Variants in FEZ2 observed in about 807,000 individuals in gnomAD.
FEZ2 encodes the protein fasciculation and elongation protein zeta 2.
FEZ2 carries 51 observed loss-of-function variants against 40.4 expected under a neutral mutation model. The ratio of observed to expected loss-of-function variants is 1.26; its 90% confidence interval spans 1.01 to 1.59. The LOEUF (loss-of-function observed/expected upper bound fraction) is 1.59, where lower values mean the gene tolerates loss of function less well. Ranked by LOEUF, FEZ2 falls within the 40% of genes most tolerant of loss-of-function variation. The pLI, the probability that FEZ2 is intolerant of heterozygous loss-of-function variation, is 0.00. For missense variants in FEZ2, 640 were observed against 438.3 expected (o/e 1.46, Z -4.11); for synonymous variants, 242 against 172.0 (o/e 1.41, Z -3.18).
chr2:36,575,714 A>AT (rs905202906), intron 5 of FEZ2, among the ~76,000 whole-genome samples: 36 of 149,942 alleles, frequency 2.4e-4, no homozygotes, highest in African/African-American at 5.6e-4. Flanking sequence ...TATGCCCTCT[A>AT]TTTTTTTTTT....
At chr2:36,597,691 G>C (rs1026255818) in intron 1 of FEZ2, among the ~76,000 whole-genome samples, 186 bp downstream of exon 1, 1 of 152,176 alleles carries the variant, frequency 6.6e-6, no homozygotes, top group African/African-American at 2.4e-5. Flanking sequence ...TCGTGGCGGC[G>C]GGGGGCAGGG....
chr2:36,577,783 T>C (rs987058588), intron 5 of FEZ2, among the ~76,000 whole-genome samples: 5 of 152,220 alleles, frequency 3.3e-5, no homozygotes, highest in African/African-American at 4.8e-5. Flanking sequence ...TCAGACTTTA[T>C]CAAAAACAGA....
chr2:36,564,630 G>A (rs958634000), intron 5 of FEZ2, among the ~76,000 whole-genome samples: 4 of 152,076 alleles, frequency 2.6e-5, no homozygotes, highest in African/African-American at 7.2e-5. Context: ...CTACTCGGAC[G>A]CCAGAGAAAA....
chr2:36,577,072 T>C (rs1222115758), intron 5 of FEZ2, among the ~76,000 whole-genome samples: 6 of 152,160 alleles, frequency 3.9e-5, no homozygotes, highest in Admixed American at 2.6e-4. Flanking sequence ...AAATGCAAAA[T>C]AGTGTCCCTA....
chr2:36,584,520 A>G (rs1018393599), intron 2 of FEZ2, among the ~76,000 whole-genome samples: 1 of 152,224 alleles, frequency 6.6e-6, no homozygotes, highest in Non-Finnish European at 1.5e-5. Context: ...TCATCTACCT[A>G]TCTGTCATGA....
intron 5 of FEZ2, among the ~76,000 whole-genome samples, chr2:36,574,987 G>A (rs1315132461): frequency 6.6e-6 from 1 of 152,172 alleles, no homozygotes; most frequent in Non-Finnish European, 1.5e-5. Context: ...AGAAGCAGTG[G>A]TGTAGTGACA....
At chr2:36,571,054 C>CA (rs1668394742) in intron 5 of FEZ2, among the ~76,000 whole-genome samples, 1 of 152,114 alleles carries the variant, frequency 6.6e-6, no homozygotes, top group African/African-American at 2.4e-5. Flanking sequence ...AGCCTACCAC[C>CA]AAAAACCATT....
intron 5 of FEZ2, among the ~76,000 whole-genome samples, chr2:36,565,959 G>C (rs1036157185): frequency 1.5e-4 from 23 of 152,152 alleles, no homozygotes; most frequent in Non-Finnish European, 2.9e-5. Context: ...AAATTGGCCT[G>C]GTTGAGAATC....
At chr2:36,583,656 T>C (rs1416263270) in intron 2 of FEZ2, among the ~76,000 whole-genome samples, 187 bp from the exon 3 acceptor site, 3 of 152,112 alleles carry the variant, frequency 2.0e-5, no homozygotes, top group African/African-American at 7.2e-5. Context: ...ATGAGAAGAA[T>C]GTAGAATAAA....
intron 5 of FEZ2, among the ~76,000 whole-genome samples, chr2:36,572,409 A>G (rs1266365946): frequency 1.3e-5 from 2 of 152,222 alleles, no homozygotes; most frequent in South Asian, 2.1e-4. Flanking sequence ...TACTCTTTTT[A>G]TCTATGCAAA....
At chr2:36,559,096 G>A (rs1016930786) in intron 5 of FEZ2, 5 of 152,106 alleles carry the variant, frequency 3.3e-5, no homozygotes, top group African/African-American at 9.7e-5. Flanking sequence ...AAATTATTGG[G>A]TAAGTCATTG....
At chr2:36,553,684 C>G (rs1667881323) in intron 7 of FEZ2, among the ~76,000 whole-genome samples, 1 of 152,178 alleles carries the variant, frequency 6.6e-6, no homozygotes, top group Non-Finnish European at 1.5e-5. Flanking sequence ...AGTGCCCACC[C>G]TACTCCCTTT....
At position 36,559,575 on chromosome 2, in the gene FEZ2, C is replaced by T. The variant is rs552350926; in HGVS notation, c.904-1062G>A. Reference sequence around the variant, plus strand: ...TCTCTGAGACACGTTAAGTGTCCCACCGTCTTTTTGACGTAGACTTCTTGC... The same window carrying T: ...TCTCTGAGACACGTTAAGTGTCCCATCGTCTTTTTGACGTAGACTTCTTGC... On this transcript the variant is annotated intron_variant, in intron 5 of 7. Coordinates refer to ENST00000405912, the MANE Select transcript of FEZ2 (RefSeq NM_005102.3). 3.0e-4 allele frequency among the ~76,000 whole-genome samples: 46 copies of T among 152,356 alleles called. 1 individual carries two copies. The highest frequency in any genetic ancestry group is 1.0e-3 in the African/African-American group (43 of 41,580).
At chr2:36,554,195 G>A (rs1227399779) in intron 7 of FEZ2, 1 of 471,158 alleles carries the variant, frequency 2.1e-6, no homozygotes, top group Non-Finnish European at 4.4e-6. Context: ...GCCCGAGCAT[G>A]AGGAGCAGAA....
chr2:36,569,582 T>C (rs987388986), intron 5 of FEZ2, among the ~76,000 whole-genome samples: 1 of 152,208 alleles, frequency 6.6e-6, no homozygotes, highest in Admixed American at 6.5e-5. Context: ...AAGAATCAGA[T>C]ACAGTGCTGC....
intron 5 of FEZ2, among the ~76,000 whole-genome samples, chr2:36,574,578 G>A (rs1401909425): frequency 2.0e-5 from 3 of 151,928 alleles, no homozygotes; most frequent in Non-Finnish European, 4.4e-5. Context: ...CTCTGCATCG[G>A]ACAGAGTCAT....
chr2:36,592,123 G>A (rs972179580), intron 1 of FEZ2, among the ~76,000 whole-genome samples: 3 of 152,136 alleles, frequency 2.0e-5, no homozygotes, highest in African/African-American at 7.2e-5. Flanking sequence ...CTACTTACTA[G>A]CTAGAGGTAT....
chr2:36,565,370 C>CA (rs1172001800), intron 5 of FEZ2, among the ~76,000 whole-genome samples: 1 of 152,172 alleles, frequency 6.6e-6, no homozygotes, highest in African/African-American at 2.4e-5. Flanking sequence ...ACCCTTTAAA[C>CA]AAAAACCAGG....
chr2:36,595,717 T>C (rs920138928), intron 1 of FEZ2, among the ~76,000 whole-genome samples: 1 of 152,174 alleles, frequency 6.6e-6, no homozygotes, highest in Non-Finnish European at 1.5e-5. Flanking sequence ...ATGATGAGTA[T>C]GTTTTTGCAA....
Sources: allele counts gnomAD v4.1 joint callset (sites outside exome capture counted in the v4.1 genomes callset), GRCh38; gene constraint gnomAD v4.1.1; transcripts MANE v1.5; gene names NCBI Gene and HGNC (gene_info 2026-07-23, HGNC 2026-07-21).